The following ENTREP3 variants were observed in gnomAD, a reference collection of about 807,000 sequenced individuals.
The protein encoded by ENTREP3 is endosomal transmembrane epsin interactor 3.
the ENTREP3 span, chr1:155,251,109 G>A: frequency 1.9e-6 from 3 of 1,612,732 alleles, no homozygotes; most frequent in Non-Finnish European, 2.5e-6. Context: ...TACAATGGAG[G>A]CCACTCGTTC....
At chr1:155,253,588 C>A in the ENTREP3 span, 2 of 1,480,124 alleles carry the variant, frequency 1.4e-6, no homozygotes, top group Non-Finnish European at 1.9e-6. Flanking sequence ...CCTGCCCCCA[C>A]CATACCTGCG....
the ENTREP3 span, chr1:155,250,282 C>A: frequency 6.5e-7 from 1 of 1,547,234 alleles, no homozygotes; most frequent in East Asian, 2.5e-5. The surrounding 1 kb of genome is among the most constrained non-coding windows in gnomAD (Gnocchi z 5.4). Context: ...TCACCAGTGT[C>A]ACTGGAGGTC....
At chr1:155,255,026 G>A in the ENTREP3 span, 3 of 641,674 alleles carry the variant, frequency 4.7e-6, no homozygotes, top group Admixed American at 2.9e-5. The surrounding 1 kb of genome is among the most constrained non-coding windows in gnomAD (Gnocchi z 5.6). Context: ...ATGGCCGAGG[G>A]ACGCCAGCTG....
At chr1:155,252,679 TA>T in the ENTREP3 span, 1 of 124,378 alleles carries the variant, frequency 8.0e-6, no homozygotes, top group African/African-American at 3.3e-5. Context: ...CTAATTTTTG[TA>T]ATTTTGTGTG....
At chr1:155,253,847 G>A in the ENTREP3 span, 12 of 1,613,114 alleles carry the variant, frequency 7.4e-6, no homozygotes, top group Middle Eastern at 1.6e-4. Flanking sequence ...TGTTTGCAGG[G>A]TGCAAGCTCA....
At chr1:155,254,653 C>G in the ENTREP3 span, 1 of 1,606,672 alleles carries the variant, frequency 6.2e-7, no homozygotes. The surrounding 1 kb of genome is among the most constrained non-coding windows in gnomAD (Gnocchi z 4.4). Flanking sequence ...CCCAACTCAC[C>G]GAGAACCCAG....
At chr1:155,251,611 G>A in the ENTREP3 span, 8 of 1,611,996 alleles carry the variant, frequency 5.0e-6, no homozygotes, top group Non-Finnish European at 1.7e-6. Flanking sequence ...GCTGGCAGAT[G>A]AGGAAGAGGG....
chr1:155,247,931 G>T, the ENTREP3 span: 13 of 1,599,814 alleles, frequency 8.1e-6, no homozygotes, highest in Non-Finnish European at 1.1e-5. Flanking sequence ...TCTCGGCCAG[G>T]CCGGCCCCAC....
the ENTREP3 span, chr1:155,247,880 A>G: frequency 1.3e-6 from 2 of 1,557,796 alleles, no homozygotes; most frequent in Non-Finnish European, 1.7e-6. Context: ...CGCAGGGAAG[A>G]GCTAGAGCTC....
the ENTREP3 span, chr1:155,250,921 T>A: frequency 7.6e-7 from 1 of 1,321,412 alleles, no homozygotes; most frequent in South Asian, 1.4e-5. This position sits in a 1 kb window ranked among gnomAD's most constrained non-coding sequence, Gnocchi z 5.4. Flanking sequence ...GGGGCCACTG[T>A]GCCTCCAGCT....
chr1:155,251,193 G>A, the ENTREP3 span: 2 of 1,550,058 alleles, frequency 1.3e-6, no homozygotes, highest in Admixed American at 1.9e-5. Flanking sequence ...CAAGGGTTCA[G>A]CCCTACACAC....
chr1:155,248,932 T>C, the ENTREP3 span, among the ~76,000 whole-genome samples: 3 of 151,986 alleles, frequency 2.0e-5, no homozygotes, highest in African/African-American at 4.8e-5. Flanking sequence ...GCTAGGCTGG[T>C]CTTGAACTCC....
At chr1:155,250,421 G>A in the ENTREP3 span, 1 of 1,496,128 alleles carries the variant, frequency 6.7e-7, no homozygotes, top group African/African-American at 1.4e-5. The surrounding 1 kb of genome is among the most constrained non-coding windows in gnomAD (Gnocchi z 5.4). Flanking sequence ...GGGCTCGGGT[G>A]GGCGGGGCTG....
the ENTREP3 span, chr1:155,250,358 C>T: frequency 1.3e-6 from 2 of 1,535,364 alleles, no homozygotes; most frequent in East Asian, 5.0e-5. This position sits in a 1 kb window ranked among gnomAD's most constrained non-coding sequence, Gnocchi z 5.4. Context: ...GATGAGGAGG[C>T]CGGTGCCCCG....
chr1:155,251,361 G>A, the ENTREP3 span: 1 of 734,372 alleles, frequency 1.4e-6, no homozygotes, highest in Non-Finnish European at 2.3e-6. Flanking sequence ...CTCTAGGGAA[G>A]ATCAAAGGCA....
the ENTREP3 span, chr1:155,250,918 C>A: frequency 4.5e-6 from 6 of 1,337,060 alleles, no homozygotes; most frequent in Non-Finnish European, 5.1e-6. This position sits in a 1 kb window ranked among gnomAD's most constrained non-coding sequence, Gnocchi z 5.4. Context: ...CTAGGGGCCA[C>A]TGTGCCTCCA....
At chr1:155,252,402 T>G in the ENTREP3 span, among the ~76,000 whole-genome samples, 1 of 151,640 alleles carries the variant, frequency 6.6e-6, no homozygotes, top group Non-Finnish European at 1.5e-5. Context: ...GAAGTTTCAC[T>G]CTTGTCGCCC....
the ENTREP3 span, chr1:155,248,330 G>A: frequency 6.2e-7 from 1 of 1,611,876 alleles, no homozygotes; most frequent in Non-Finnish European, 8.5e-7. Flanking sequence ...ATAAGAGAAT[G>A]GTATTGTAGG....
chr1:155,249,762 CCAGCTACTCACTACTCGG>C, the ENTREP3 span, among the ~76,000 whole-genome samples: 1 of 151,908 alleles, frequency 6.6e-6, no homozygotes, highest in Non-Finnish European at 1.5e-5. Context: ...ATCTGTAGTC[CCAGCTACTCACTACTCGG>C]GAGGCTGAGG....
Sources: allele counts gnomAD v4.1 joint callset (sites outside exome capture counted in the v4.1 genomes callset), GRCh38; gene constraint gnomAD v4.1.1; non-coding constraint Gnocchi (gnomAD v3.1); transcripts MANE v1.5; gene names NCBI Gene and HGNC (gene_info 2026-07-23, HGNC 2026-07-21).